CLDN10: variants seen among roughly 807,000 people sequenced by gnomAD.
CLDN10 encodes the protein claudin-10.
CLDN10 carries 15 observed loss-of-function variants against 22.9 expected under a neutral mutation model. That is an observed-to-expected ratio of 0.65 (90% CI 0.44 to 1.01). CLDN10 has a LOEUF of 1.01. CLDN10 is among the 50% of genes least tolerant of loss of function. The pLI, the probability that CLDN10 is intolerant of heterozygous loss-of-function variation, is 0.00. For synonymous variants in CLDN10, 114 were observed against 111.4 expected, an observed-to-expected ratio of 1.02 and a Z score of -0.15; for missense variants, 247 against 287.8, an observed-to-expected ratio of 0.86 and a Z score of 1.03.
chr13:95,570,157 T>A (rs1274478863), intron 3 of CLDN10, among the ~76,000 whole-genome samples: 2 of 152,188 alleles, frequency 1.3e-5, no homozygotes, highest in East Asian at 3.8e-4. Flanking sequence ...CAGGACAGTA[T>A]TTGTTATTTT....
At position 95,565,837 on chromosome 13, in the gene CLDN10, C is replaced by T. The variant is rs1385163885; in HGVS notation, c.464+5374C>T. Among the ~76,000 whole-genome samples the T allele has an allele frequency of 2.1e-5, 3 of 143,786 alleles. 1 individual carries two copies. The highest frequency in any genetic ancestry group is 4.6e-4 in the South Asian group (2 of 4,322). The allele number at this position is 143,786 out of a possible 152,430, so 94.3% of individuals were successfully genotyped here. On this transcript the variant is annotated intron_variant, in intron 3 of 4. Coordinates refer to ENST00000299339, the MANE Select transcript of CLDN10 (RefSeq NM_006984.5). ...TCCCCACCTTGTGTCCATGTGTTCT[C>T]ATTGTTCAGTTCCCACCTATGAGTG...
At chr13:95,554,493 T>C (rs1313323462) in intron 1 of CLDN10, among the ~76,000 whole-genome samples, 2 of 152,150 alleles carry the variant, frequency 1.3e-5, no homozygotes, top group African/African-American at 2.4e-5. Flanking sequence ...GGTGGTACCA[T>C]ACCTGTTTGG....
chr13:95,548,912 T>A (rs1378226118), upstream of CLDN10, among the ~76,000 whole-genome samples: 1 of 152,228 alleles, frequency 6.6e-6, no homozygotes, highest in East Asian at 1.9e-4. Flanking sequence ...GCTTGGTAGG[T>A]GTACTGAATC....
intron 1 of CLDN10, among the ~76,000 whole-genome samples, chr13:95,511,193 A>C (rs2043093714): frequency 6.6e-6 from 1 of 152,048 alleles, no homozygotes; most frequent in South Asian, 2.1e-4. Context: ...TCTGAAAGTC[A>C]GTCAACTGTA....
At chr13:95,501,068 G>A (rs2042979578) in intron 1 of CLDN10, among the ~76,000 whole-genome samples, 1 of 151,790 alleles carries the variant, frequency 6.6e-6, no homozygotes, top group East Asian at 1.9e-4. Context: ...AGGCTGGAGT[G>A]TAGTGGCATG....
chr13:95,523,723 C>T (rs573281516), intron 1 of CLDN10, among the ~76,000 whole-genome samples: 1 of 152,308 alleles, frequency 6.6e-6, no homozygotes, highest in Admixed American at 6.5e-5. Context: ...ATTACAGGAG[C>T]AAGCCACCAA....
intron 1 of CLDN10, among the ~76,000 whole-genome samples, chr13:95,501,202 C>G (rs1430762299): frequency 6.6e-6 from 1 of 151,990 alleles, no homozygotes; most frequent in Admixed American, 6.6e-5. Flanking sequence ...TTAGTAGAGA[C>G]AGGGATTCAC....
intron 1 of CLDN10, among the ~76,000 whole-genome samples, chr13:95,524,500 C>T (rs928393540): frequency 3.3e-5 from 5 of 152,118 alleles, no homozygotes; most frequent in African/African-American, 4.8e-5. Context: ...ATTCCCTTTT[C>T]GGTTAAATGA....
At chr13:95,463,270 A>C in intron 1 of CLDN10, among the ~76,000 whole-genome samples, 1 of 110,170 alleles carries the variant, frequency 9.1e-6, no homozygotes, top group Non-Finnish European at 2.1e-5. Context: ...AGTTGAGTCA[A>C]AAGTGCAAAT....
At position 95,574,900 on chromosome 13, in the gene CLDN10, C is replaced by T. The variant is rs146239824; in HGVS notation, c.465-2331C>T. On this transcript the variant is annotated intron_variant, in intron 3 of 4. Transcript: ENST00000299339. The stretch of plus-strand genomic sequence containing the variant: ...CTTAACATAGACCCAATTCCTCATC[C>T]GCCTGGGTAATTTATCCTGTGATTT... 2.0e-3 allele frequency among the ~76,000 whole-genome samples: 310 copies of T among 152,250 alleles called. 2 individuals are homozygous for T. Among genetic ancestry groups the T allele is most frequent in the African/African-American group, 7.0e-3 (290 of 41,546 alleles).
chr13:95,510,538 A>G (rs1278281983), intron 1 of CLDN10, among the ~76,000 whole-genome samples: 1 of 152,186 alleles, frequency 6.6e-6, no homozygotes, highest in Non-Finnish European at 1.5e-5. Context: ...TTATCTTTAC[A>G]TAGCATTGAT....
chr13:95,515,274 C>T (rs1452533276), intron 1 of CLDN10, among the ~76,000 whole-genome samples: 1 of 152,194 alleles, frequency 6.6e-6, no homozygotes, highest in African/African-American at 2.4e-5. Context: ...TCTCAGCTCA[C>T]TGCAACCTCC....
At chr13:95,455,210 A>AC (rs2042470998) in intron 1 of CLDN10, among the ~76,000 whole-genome samples, 1 of 152,128 alleles carries the variant, frequency 6.6e-6, no homozygotes, top group Non-Finnish European at 1.5e-5. Context: ...AAAAAAAAAA[A>AC]AACTATTTTA....
chr13:95,543,941 CCTT>C (rs1318849337), intron 1 of CLDN10, among the ~76,000 whole-genome samples: 1 of 152,030 alleles, frequency 6.6e-6, no homozygotes, highest in African/African-American at 2.4e-5. Context: ...ATATGACATT[CCTT>C]CTTCATGTAA....
At chr13:95,442,831 T>A (rs1181758119) in intron 1 of CLDN10, among the ~76,000 whole-genome samples, 2 of 152,270 alleles carry the variant, frequency 1.3e-5, no homozygotes, top group East Asian at 3.9e-4. Context: ...CATTTGCAAA[T>A]GGAGGTAATA....
In CLDN10 at chr13:95,552,811, C is replaced by G. The variant is rs534072709; in HGVS notation, c.58C>G (p.Leu20Val). ...CATGGTCTCCATCTCAGGCTGGGTA[C>G]TGGTGTCCTCCACGCTGCCCACCGA... is the stretch of plus-strand genomic sequence containing the variant. The part of the protein sequence containing the change: ...AFMVSISGWV[L>V]VSSTLPTDYW... The change falls in exon 1 of 5, where the codon CTG (leucine) becomes GTG (valine). Residue 20 changes from leucine to valine, a missense_variant. Coordinates refer to ENST00000299339, the MANE Select transcript of CLDN10 (RefSeq NM_006984.5). The G allele has an allele frequency of 6.2e-7, 1 of 1,614,028 alleles. No homozygotes were observed. Among genetic ancestry groups the G allele is most frequent in the African/African-American group, 1.3e-5 (1 of 75,042 alleles).
intron 1 of CLDN10, chr13:95,434,118 T>C (rs2042239968): frequency 7.3e-7 from 1 of 1,363,118 alleles, no homozygotes; most frequent in Admixed American, 1.8e-5. Flanking sequence ...GAAGTAGCTG[T>C]CTATGGCTGG....
intron 1 of CLDN10, among the ~76,000 whole-genome samples, chr13:95,545,047 G>C (rs1444854423): frequency 2.6e-5 from 4 of 151,930 alleles, no homozygotes; most frequent in Non-Finnish European, 5.9e-5. Context: ...CAAAGGGCTA[G>C]GGTTGCAGGT....
rs1313268780 is a variant in CLDN10, at chr13:95,552,776, T to C, written c.23T>C (p.Ile8Thr). The change falls in exon 1 of 5, where the codon ATC (isoleucine) becomes ACC (threonine). Residue 8 changes from isoleucine (I) to threonine (T), a missense_variant. Physicochemically the swap from Ile to Thr is moderately conservative, Grantham distance 89. Transcript: ENST00000299339. ...GGCATGGCTAGCACGGCTTCGGAGA[T>C]CATCGCCTTCATGGTCTCCATCTCA... is the stretch of plus-strand genomic sequence containing the variant. MASTASE[I>T]IAFMVSISGW... is the part of the protein sequence containing the mutation. 1 of 1,613,080 alleles carries C rather than the reference T, an allele frequency of 6.2e-7. No homozygotes were observed. Among genetic ancestry groups the C allele is most frequent in the Admixed American group, 1.7e-5 (1 of 59,986 alleles).
Sources: gnomAD v4.1 joint callset for allele counts (sites outside exome capture counted in the v4.1 genomes callset) on GRCh38, gnomAD v4.1.1 for gene constraint, MANE v1.5 for transcripts, NCBI Gene and HGNC (gene_info 2026-07-23, HGNC 2026-07-21) for gene names.